Variants in INSL6 observed in about 807,000 individuals in gnomAD.
INSL6 encodes the protein insulin-like peptide INSL6.
In INSL6, 16 loss-of-function variants were observed where a neutral mutation model predicts 9.4. That is an observed-to-expected ratio of 1.70 (90% CI 1.15 to 2.59). INSL6 has a LOEUF of 2.59. INSL6 is among the 30% of genes most tolerant of loss of function. INSL6 has a pLI of 0.00. For synonymous variants in INSL6, 154 were observed against 96.9 expected, an observed-to-expected ratio of 1.59 and a Z score of -3.46; for missense variants, 391 against 257.3, an observed-to-expected ratio of 1.52 and a Z score of -3.56.
chr9:5,091,524 A>ATAATTATGGGTGTTGGTT, the INSL6 span: 3 of 152,124 alleles, frequency 2.0e-5, no homozygotes, highest in Non-Finnish European at 2.9e-5. Context: ...GCTGCCTTGT[A>ATAATTATGGGTGTTGGTT]TAATTATGGG....
At chr9:5,099,897 TAC>T in the INSL6 span, 1 of 152,316 alleles carries the variant, frequency 6.6e-6, no homozygotes, top group South Asian at 2.1e-4. Context: ...GCGCAGTAAT[TAC>T]AGTCTTCTGC....
At chr9:5,080,295 C>A in the INSL6 span, 2 of 1,613,480 alleles carry the variant, frequency 1.2e-6, no homozygotes, top group South Asian at 2.2e-5. Flanking sequence ...TTAAATTTGG[C>A]AACAGACAAA....
At chr9:5,127,687 G>T (rs115158615) in intron 3 of INSL6, 1 of 231,976 alleles carries the variant, frequency 4.3e-6, no homozygotes. Flanking sequence ...AACATTCTTC[G>T]ATCTCTGGGA....
chr9:5,032,788 G>C, the INSL6 span, among the ~76,000 whole-genome samples: 6 of 152,154 alleles, frequency 3.9e-5, no homozygotes, highest in Admixed American at 2.6e-4. Flanking sequence ...AAACCACAAA[G>C]ATGGGGAAAA....
chr9:5,069,022 C>A, the INSL6 span: 6 of 1,552,608 alleles, frequency 3.9e-6, no homozygotes, highest in Non-Finnish European at 5.3e-6. Context: ...ACTTATACAG[C>A]GAGAAAATGT....
the INSL6 span, among the ~76,000 whole-genome samples, chr9:5,045,430 GACCATTTTA>G: frequency 1.3e-5 from 2 of 152,076 alleles, no homozygotes; most frequent in Non-Finnish European, 2.9e-5. Flanking sequence ...TAATAAAAAT[GACCATTTTA>G]ACCATTTTAA....
chr9:5,162,440 T>A (rs992991494), downstream of INSL6, among the ~76,000 whole-genome samples: 1 of 152,150 alleles, frequency 6.6e-6, no homozygotes, highest in Non-Finnish European at 1.5e-5. Context: ...AATTTTCTAA[T>A]TGGGACTTTT....
the INSL6 span, chr9:5,085,434 C>T: frequency 1.7e-5 from 13 of 745,288 alleles, no homozygotes; most frequent in South Asian, 5.4e-5. Flanking sequence ...CTATCAGGCT[C>T]GCAGTATTCT....
intron 2 of INSL6, among the ~76,000 whole-genome samples, chr9:5,151,790 CAT>C (rs1160208111): frequency 1.3e-5 from 2 of 152,212 alleles, no homozygotes; most frequent in African/African-American, 4.8e-5. Flanking sequence ...AAACACAAAT[CAT>C]ATTGATAATT....
the INSL6 span, among the ~76,000 whole-genome samples, chr9:5,106,775 C>A: frequency 0.24 from 36,800 of 152,082 alleles, 4,885 homozygotes; most frequent in South Asian, 0.3. Context: ...TGGAAACCAT[C>A]ATTCTCAGCA....
chr9:5,062,500 TAAAAAAAAAAAAA>T, the INSL6 span, among the ~76,000 whole-genome samples: 9 of 58,248 alleles, frequency 1.5e-4, no homozygotes, highest in South Asian at 6.3e-4. Flanking sequence ...CTTCCATTTG[TAAAAAAAAAAAAA>T]AAAAAAAAAA....
chr9:5,011,270 C>T, the INSL6 span, among the ~76,000 whole-genome samples: 5 of 152,170 alleles, frequency 3.3e-5, no homozygotes, highest in Non-Finnish European at 7.3e-5. Context: ...TCTGCAGCCT[C>T]AAACTCCTGA....
chr9:5,078,026 C>G, the INSL6 span, among the ~76,000 whole-genome samples: 2 of 152,120 alleles, frequency 1.3e-5, no homozygotes, highest in Non-Finnish European at 2.9e-5. Flanking sequence ...TGTCAGCTCC[C>G]ATCCAGAAAC....
the INSL6 span, chr9:5,114,144 G>A: frequency 2.5e-6 from 1 of 395,610 alleles, no homozygotes; most frequent in Non-Finnish European, 5.0e-6. Flanking sequence ...TAACACCTTT[G>A]AGGACAGTGC....
chr9:5,014,531 A>G, the INSL6 span, among the ~76,000 whole-genome samples: 8 of 152,302 alleles, frequency 5.3e-5, no homozygotes, highest in Admixed American at 1.3e-4. Context: ...TGGTGGGAAA[A>G]TATCAGAACA....
chr9:5,025,329 C>G, the INSL6 span, among the ~76,000 whole-genome samples: 1 of 152,134 alleles, frequency 6.6e-6, no homozygotes, highest in South Asian at 2.1e-4. Flanking sequence ...TCTCTGTTCG[C>G]TCTTGGTCTA....
the INSL6 span, chr9:5,085,276 G>T: frequency 2.9e-5 from 20 of 697,942 alleles, no homozygotes; most frequent in South Asian, 2.7e-4. Flanking sequence ...AGCTGATGTT[G>T]GTTTGCCTAT....
chr9:5,083,877 AACT>A, the INSL6 span, among the ~76,000 whole-genome samples: 19 of 152,200 alleles, frequency 1.2e-4, no homozygotes, highest in Non-Finnish European at 2.8e-4. Context: ...GTCTCTGCAC[AACT>A]ACACAATTTC....
chr9:5,182,724 C>A (rs1825484604), intron 1 of INSL6, among the ~76,000 whole-genome samples: 1 of 151,958 alleles, frequency 6.6e-6, no homozygotes, highest in Admixed American at 6.6e-5. Context: ...ATAGGGGTTA[C>A]AGATTATGAA....
Sources: allele counts gnomAD v4.1 joint callset (sites outside exome capture counted in the v4.1 genomes callset), GRCh38; gene constraint gnomAD v4.1.1; transcripts MANE v1.5; gene names NCBI Gene and HGNC (gene_info 2026-07-23, HGNC 2026-07-21).